Variants in ANK3 observed in about 807,000 individuals in gnomAD.
ANK3 encodes the protein ankyrin-3.
ANK3 carries 57 observed loss-of-function variants against 370.9 expected under a neutral mutation model. That is an observed-to-expected ratio of 0.15 (90% CI 0.12 to 0.19). The LOEUF is 0.19. Among genes scored for constraint, ANK3 ranks in the 10% least tolerant of loss-of-function variants. ANK3 has a pLI of 1.00. For missense variants in ANK3, 4,439 were observed against 5,302.1 expected (o/e 0.84, Z 5.06); for synonymous variants, 1,929 against 1,946.3 (o/e 0.99, Z 0.23).
intron 23 of ANK3, among the ~76,000 whole-genome samples, chr10:60,142,294 T>C (rs1180399301): frequency 3.9e-5 from 6 of 152,178 alleles, no homozygotes; most frequent in Admixed American, 3.9e-4. Flanking sequence ...TTTTTCCTGA[T>C]GAACTTCTCT....
intron 28 of ANK3, among the ~76,000 whole-genome samples, chr10:60,100,467 T>G (rs1464733025): frequency 6.6e-6 from 1 of 152,080 alleles, no homozygotes; most frequent in Non-Finnish European, 1.5e-5. Context: ...TGAACCCAAT[T>G]GGCAACTTCT....
intron 1 of ANK3, among the ~76,000 whole-genome samples, chr10:60,299,332 A>C (rs932952887): frequency 2.0e-4 from 30 of 152,198 alleles, no homozygotes; most frequent in Admixed American, 2.0e-4. Flanking sequence ...TAAGTTTTCC[A>C]AATTGCTTTT....
chr10:60,309,241 C>T (rs763540480), intron 1 of ANK3, among the ~76,000 whole-genome samples: 1 of 152,286 alleles, frequency 6.6e-6, no homozygotes, highest in Non-Finnish European at 1.5e-5. Flanking sequence ...CACTTTATTT[C>T]TTGACGATCA....
At chr10:60,093,081 TCAAA>T (rs1271188296) in intron 28 of ANK3, among the ~76,000 whole-genome samples, 2 of 152,212 alleles carry the variant, frequency 1.3e-5, no homozygotes, top group Non-Finnish European at 2.9e-5. Context: ...TAGGAAAGAA[TCAAA>T]CAGTTTGCTT....
chr10:60,684,756 A>C (rs1345339642), intron 1 of ANK3: 1 of 1,569,458 alleles, frequency 6.4e-7, no homozygotes, highest in Admixed American at 1.7e-5. Context: ...AATTAATGCC[A>C]CTATGGAAGT....
chr10:60,187,911 G>T (rs1203866658), intron 16 of ANK3, among the ~76,000 whole-genome samples: 1 of 151,950 alleles, frequency 6.6e-6, no homozygotes, highest in African/African-American at 2.4e-5. Flanking sequence ...TCAGCTCAAG[G>T]GTCACACCCT....
At chr10:60,369,385 G>A (rs141926329) in intron 1 of ANK3, among the ~76,000 whole-genome samples, 61 of 152,216 alleles carry the variant, frequency 4.0e-4, no homozygotes, top group African/African-American at 1.5e-3. Flanking sequence ...TCAAGCTAAC[G>A]TTCTGGGCTA....
At chr10:60,281,120 A>G (rs1315860254) in intron 1 of ANK3, among the ~76,000 whole-genome samples, 1 of 152,160 alleles carries the variant, frequency 6.6e-6, no homozygotes, top group African/African-American at 2.4e-5. Context: ...AGTGTGGGTC[A>G]ATTCACTAAG....
intron 28 of ANK3, 128 bp from the exon 29 acceptor site, chr10:60,088,486 C>A: frequency 2.4e-6 from 2 of 817,566 alleles, no homozygotes; most frequent in Non-Finnish European, 3.8e-6. Flanking sequence ...AGTGCAATGG[C>A]GTGATCTTGG....
intron 1 of ANK3, among the ~76,000 whole-genome samples, chr10:60,382,797 C>CTATATATATATATATATATATATATATA (rs5785442): frequency 3.0e-5 from 4 of 133,740 alleles, no homozygotes; most frequent in Admixed American, 7.5e-5. Flanking sequence ...ATACCTAAAT[C>CTATATATATATATATATATATATATATA]TATATATATA....
Position 60,208,078 on chromosome 10 carries a change from C to T in ANK3, c.1152G>A (p.Lys384=). The change falls in exon 10 of 44, where the codon AAG becomes AAA. Residue 384 remains lysine (K), a synonymous_variant. Coordinates refer to ENST00000280772, the MANE Select transcript of ANK3 (RefSeq NM_020987.5). ...AAHCGHYKVA[K]VLLDKKANPN... ...GGTTAGCTTTCTTATCCAAGAGAAC[C>T]TTGGCAACTTTGTAATGGCCACAGT... The T allele has an allele frequency of 6.2e-7, 1 of 1,614,056 alleles. No individual in the cohort carries two copies. The highest frequency in any genetic ancestry group is 8.5e-7 in the Non-Finnish European group (1 of 1,179,996).
At chr10:60,116,097 T>A (rs1399746506) in intron 25 of ANK3, among the ~76,000 whole-genome samples, 1 of 152,094 alleles carries the variant, frequency 6.6e-6, no homozygotes, top group African/African-American at 2.4e-5. Context: ...CCCTCAGTTG[T>A]CAAATAATGA....
chr10:60,515,026 G>A (rs545228934), intron 2 of ANK3, among the ~76,000 whole-genome samples: 5 of 151,998 alleles, frequency 3.3e-5, no homozygotes, highest in South Asian at 4.2e-4. Context: ...TATTGCCATC[G>A]GATAAATAAA....
chr10:60,440,740 T>C (rs2064279709), intron 2 of ANK3, among the ~76,000 whole-genome samples: 1 of 152,196 alleles, frequency 6.6e-6, no homozygotes, highest in Admixed American at 6.5e-5. Context: ...TCATGTTTCT[T>C]GAGTGACTCC....
At chr10:60,611,078 T>C (rs527347262) in intron 2 of ANK3, among the ~76,000 whole-genome samples, 2 of 152,324 alleles carry the variant, frequency 1.3e-5, no homozygotes, top group East Asian at 3.9e-4. Flanking sequence ...TTATAACTAT[T>C]CTTAATATTT....
intron 25 of ANK3, among the ~76,000 whole-genome samples, chr10:60,133,312 C>T (rs1354134287): frequency 6.6e-6 from 1 of 152,200 alleles, no homozygotes; most frequent in East Asian, 1.9e-4. Flanking sequence ...CACTACTGTG[C>T]ATACTTAAAG....
At chr10:60,207,750 C>T (rs1391810202) in intron 10 of ANK3, among the ~76,000 whole-genome samples, 9 of 152,248 alleles carry the variant, frequency 5.9e-5, no homozygotes, top group Non-Finnish European at 8.8e-5. Context: ...CACAATAAGA[C>T]GACGTTGGCC....
At chr10:60,150,176 G>T (rs556235346) in intron 23 of ANK3, among the ~76,000 whole-genome samples, 1 of 151,950 alleles carries the variant, frequency 6.6e-6, no homozygotes, top group African/African-American at 2.4e-5. Flanking sequence ...TTCCAGAACC[G>T]CTTCTCTTCC....
intron 2 of ANK3, among the ~76,000 whole-genome samples, chr10:60,401,360 T>C (rs1366803164): frequency 6.6e-6 from 1 of 152,224 alleles, no homozygotes; most frequent in Non-Finnish European, 1.5e-5. Context: ...CTTACAAATT[T>C]TGTTAAGAGT....
Sources: gnomAD v4.1 joint callset for allele counts (sites outside exome capture counted in the v4.1 genomes callset) on GRCh38, gnomAD v4.1.1 for gene constraint, MANE v1.5 for transcripts, NCBI Gene and HGNC (gene_info 2026-07-23, HGNC 2026-07-21) for gene names.